ENOX1: variants seen among roughly 807,000 people sequenced by gnomAD.
ENOX1 encodes the protein candidate growth-related and time keeping constitutive hydroquinone (NADH) oxidase.
ENOX1 carries 42 observed loss-of-function variants against 82.5 expected under a neutral mutation model. The ratio of observed to expected loss-of-function variants is 0.51; its 90% CI spans 0.40 to 0.66. The LOEUF (loss-of-function observed/expected upper bound fraction) is 0.66. Among genes scored for constraint, ENOX1 ranks in the 30% least tolerant of loss-of-function variants. The pLI, the probability that ENOX1 is intolerant of heterozygous loss-of-function variation, is 0.00. For missense variants in ENOX1, 608 were observed against 811.6 expected, an observed-to-expected ratio of 0.75 and a Z score of 3.05; for synonymous variants, 271 against 282.2, an observed-to-expected ratio of 0.96 and a Z score of 0.40.
chr13:43,592,010 G>T lies in ENOX1; in HGVS notation c.-219+75469C>A, dbSNP rs375203266. On this transcript the variant is annotated intron_variant, in intron 2 of 16. Transcript: ENST00000690772. ...GGGGGTGACTGGAGGGCCAGCCTGT[G>T]GACCACTTACAAGAGCATCCCAGAG... is the stretch of plus-strand genomic sequence containing the variant. Among the ~76,000 whole-genome samples the T allele has an allele frequency of 9.2e-5, 14 of 151,878 alleles. No individual in the cohort carries two copies. The East Asian group carries it at 2.1e-3, about 23-fold the overall frequency.
intron 3 of ENOX1, among the ~76,000 whole-genome samples, chr13:43,415,095 A>G (rs1369899357): frequency 3.9e-5 from 6 of 152,210 alleles, no homozygotes; most frequent in Non-Finnish European, 8.8e-5. Context: ...CATTGAAAAC[A>G]GTAAGCAACT....
intron 2 of ENOX1, among the ~76,000 whole-genome samples, chr13:43,592,851 A>G (rs1471787628): frequency 6.6e-6 from 1 of 152,194 alleles, no homozygotes; most frequent in Admixed American, 6.5e-5. Context: ...AAAATCAATA[A>G]TTCTTTGGCA....
At chr13:43,728,009 T>C (rs2089095496) in intron 1 of ENOX1, among the ~76,000 whole-genome samples, 1 of 152,262 alleles carries the variant, frequency 6.6e-6, no homozygotes, top group Non-Finnish European at 1.5e-5. Flanking sequence ...AATAGTTTAA[T>C]GTACTAAAGG....
intron 3 of ENOX1, among the ~76,000 whole-genome samples, chr13:43,430,664 C>A (rs567764806): frequency 6.6e-6 from 1 of 152,114 alleles, no homozygotes; most frequent in African/African-American, 2.4e-5. Context: ...TCTTTGTAGG[C>A]GCTCTTACAG....
At chr13:43,730,950 G>A (rs1023397415) in intron 1 of ENOX1, among the ~76,000 whole-genome samples, 2 of 152,186 alleles carry the variant, frequency 1.3e-5, no homozygotes, top group East Asian at 3.8e-4. Context: ...TGCAGCAGCT[G>A]CTGCTCTTTA....
intron 2 of ENOX1, among the ~76,000 whole-genome samples, chr13:43,566,567 T>C (rs1303064755): frequency 2.0e-5 from 3 of 152,068 alleles, no homozygotes; most frequent in Non-Finnish European, 2.9e-5. Flanking sequence ...TGTTGGAATG[T>C]TATTTTAAAA....
At chr13:43,601,411 T>C (rs546705851) in intron 2 of ENOX1, among the ~76,000 whole-genome samples, 16 of 152,104 alleles carry the variant, frequency 1.1e-4, no homozygotes, top group African/African-American at 3.6e-4. Flanking sequence ...GAATACATTA[T>C]AGTCTCTTAA....
At chr13:43,248,465 C>A (rs1394497964) in intron 14 of ENOX1, among the ~76,000 whole-genome samples, 1 of 151,730 alleles carries the variant, frequency 6.6e-6, no homozygotes, top group Admixed American at 6.6e-5. Context: ...AACACAATTT[C>A]TTTAATCTCG....
chr13:43,758,032 C>T (rs1950750415), intron 1 of ENOX1, among the ~76,000 whole-genome samples: 1 of 152,006 alleles, frequency 6.6e-6, no homozygotes, highest in African/African-American at 2.4e-5. Context: ...GTCAGGAGTT[C>T]CAGACCAGCC....
At chr13:43,653,350 T>C (rs990087462) in intron 2 of ENOX1, among the ~76,000 whole-genome samples, 6 of 152,196 alleles carry the variant, frequency 3.9e-5, no homozygotes, top group African/African-American at 1.4e-4. Context: ...ATCCAGAGAA[T>C]GTTACAGCAG....
chr13:43,488,447 G>A (rs1344911515), intron 2 of ENOX1, among the ~76,000 whole-genome samples: 1 of 152,134 alleles, frequency 6.6e-6, no homozygotes, highest in African/African-American at 2.4e-5. Flanking sequence ...AGGACTGTGA[G>A]AAAATAAATT....
intron 12 of ENOX1, among the ~76,000 whole-genome samples, chr13:43,293,036 C>A (rs2046089374): frequency 6.6e-6 from 1 of 152,016 alleles, no homozygotes; most frequent in African/African-American, 2.4e-5. Flanking sequence ...CCCACCACAG[C>A]CACCTTCACC....
intron 2 of ENOX1, among the ~76,000 whole-genome samples, chr13:43,525,157 A>G (rs537206070): frequency 1.3e-5 from 2 of 152,282 alleles, no homozygotes; most frequent in South Asian, 2.1e-4. Flanking sequence ...TGTACCGTGC[A>G]GTAGCAGTCA....
At chr13:43,314,526 T>C (rs73467419) in intron 11 of ENOX1, among the ~76,000 whole-genome samples, 229 of 152,354 alleles carry the variant, frequency 1.5e-3, no homozygotes, top group African/African-American at 5.2e-3. Flanking sequence ...TAGCTTTATG[T>C]CACCTACTGT....
intron 2 of ENOX1, among the ~76,000 whole-genome samples, chr13:43,525,649 G>GT (rs1232757448): frequency 3.3e-5 from 5 of 151,800 alleles, no homozygotes; most frequent in East Asian, 1.9e-4. Flanking sequence ...CACTTATTTG[G>GT]TTTTTTTTGA....
chr13:43,631,522 T>C (rs1166944152), intron 2 of ENOX1, among the ~76,000 whole-genome samples: 1 of 152,198 alleles, frequency 6.6e-6, no homozygotes, highest in East Asian at 1.9e-4. Flanking sequence ...CAGATTTGTA[T>C]GTTTCCTCTG....
intron 1 of ENOX1, among the ~76,000 whole-genome samples, chr13:43,681,686 AACACACACACACACAC>A (rs3044219): frequency 1.1e-4 from 15 of 135,342 alleles, no homozygotes; most frequent in South Asian, 2.7e-4. Context: ...ATAATGCATA[AACACACACACACACAC>A]ACACACACAC....
intron 1 of ENOX1, among the ~76,000 whole-genome samples, chr13:43,688,519 T>C (rs1438956751): frequency 6.6e-6 from 1 of 152,180 alleles, no homozygotes; most frequent in African/African-American, 2.4e-5. Context: ...TACTCAACTC[T>C]GCTGTTTAGT....
At chr13:43,322,767 G>A (rs746642390) in intron 10 of ENOX1, among the ~76,000 whole-genome samples, 1 of 152,118 alleles carries the variant, frequency 6.6e-6, no homozygotes, top group Non-Finnish European at 1.5e-5. Context: ...TTCCTCATTT[G>A]TACAAAGCGG....
Sources: gnomAD v4.1 joint callset for allele counts (sites outside exome capture counted in the v4.1 genomes callset) on GRCh38, gnomAD v4.1.1 for gene constraint, MANE v1.5 for transcripts, NCBI Gene and HGNC (gene_info 2026-07-23, HGNC 2026-07-21) for gene names.